The following SLC2A9 variants were observed in gnomAD, a reference collection of about 807,000 sequenced individuals.
The protein encoded by SLC2A9 is solute carrier family 2, facilitated glucose transporter member 9.
In SLC2A9, 39 loss-of-function variants were observed where a neutral mutation model predicts 50.6. That is an observed-to-expected ratio of 0.77 (90% CI 0.60 to 1.01). SLC2A9 has a LOEUF of 1.01. Among genes scored for constraint, SLC2A9 ranks in the 50% least tolerant of loss-of-function variants. The pLI is 0.00. For synonymous variants in SLC2A9, 324 were observed against 276.9 expected, an observed-to-expected ratio of 1.17 and a Z score of -1.69; for missense variants, 686 against 677.6, an observed-to-expected ratio of 1.01 and a Z score of -0.14.
intron 1 of SLC2A9, chr4:9,771,476 C>T: frequency 2.5e-6 from 1 of 398,862 alleles, no homozygotes; most frequent in Non-Finnish European, 4.4e-6. Flanking sequence ...TCAGCCAGTA[C>T]CCAACACAAC....
chr4:9,772,689 G>A (rs558765726), intron 1 of SLC2A9, among the ~76,000 whole-genome samples: 1 of 152,290 alleles, frequency 6.6e-6, no homozygotes, highest in East Asian at 1.9e-4. Context: ...AGACCCTGGG[G>A]CTGTGTGTTA....
intron 7 of SLC2A9, among the ~76,000 whole-genome samples, chr4:9,914,165 T>C (rs1742412415): frequency 6.6e-6 from 1 of 152,204 alleles, no homozygotes; most frequent in Non-Finnish European, 1.5e-5. Context: ...AAGGAATCTG[T>C]TTTCCTTCCA....
At chr4:9,826,199 G>A, downstream of SLC2A9, 1 of 604,426 alleles carries the variant, frequency 1.7e-6, no homozygotes, top group Non-Finnish European at 2.9e-6. Context: ...ATTCAGTTGT[G>A]AATAATGCTA....
In SLC2A9 at chr4:9,980,726, T is replaced by A; in HGVS notation, c.547A>T (p.Ser183Cys). 6.2e-7 allele frequency: 1 copy of A among 1,614,126 alleles called. No homozygotes were observed. The change falls in exon 5 of 12, where the codon AGT (serine) becomes TGT (cysteine). Residue 183 changes from serine (S) to cysteine (C), a missense_variant. Physicochemically the swap from Ser to Cys is moderately radical, Grantham distance 112. Transcript: ENST00000264784. ...IMGIDGGVAL[S>C]VLPMYLSEIS... ...TCACTAAGGTACATGGGGAGCACAC[T>A]GAGGGCGACGCCTGTAGAGAGAAAG...
At chr4:9,801,846 G>T (rs192305260) in intron 3 of SLC2A9, among the ~76,000 whole-genome samples, 1 of 152,356 alleles carries the variant, frequency 6.6e-6, no homozygotes, top group African/African-American at 2.4e-5. Flanking sequence ...CGGCCAAAGA[G>T]AATAGGTTTG....
intron 6 of SLC2A9, among the ~76,000 whole-genome samples, chr4:9,939,412 C>A (rs78153020): frequency 3.3e-5 from 5 of 152,214 alleles, no homozygotes; most frequent in Non-Finnish European, 4.4e-5. Context: ...AACACAGGGC[C>A]TCTTTTCCCC....
intron 10 of SLC2A9, among the ~76,000 whole-genome samples, chr4:9,851,159 T>C (rs375842167): frequency 7.0e-4 from 107 of 152,352 alleles, no homozygotes; most frequent in African/African-American, 2.4e-3. Flanking sequence ...GTGCTTTGGC[T>C]GGCACACCCA....
At chr4:9,837,146 C>T (rs1323879173) in intron 10 of SLC2A9, among the ~76,000 whole-genome samples, 1 of 152,202 alleles carries the variant, frequency 6.6e-6, no homozygotes, top group Non-Finnish European at 1.5e-5. Context: ...CTCCATTTGT[C>T]TGGCATTTCC....
intron 3 of SLC2A9, among the ~76,000 whole-genome samples, chr4:9,821,151 T>A (rs946287674): frequency 4.6e-5 from 7 of 152,244 alleles, no homozygotes; most frequent in Non-Finnish European, 1.0e-4. Flanking sequence ...ATGTTGAATT[T>A]CATCAAATGT....
At chr4:9,801,632 C>T (rs1306442197) in intron 3 of SLC2A9, among the ~76,000 whole-genome samples, 2 of 152,146 alleles carry the variant, frequency 1.3e-5, no homozygotes, top group African/African-American at 2.4e-5. Context: ...GAGCCAGTTT[C>T]CTTAGCTTCA....
chr4:9,997,486 G>C (rs1380660417), intron 2 of SLC2A9, among the ~76,000 whole-genome samples: 6 of 152,170 alleles, frequency 3.9e-5, no homozygotes, highest in Admixed American at 3.9e-4. Context: ...GGTCACTTGA[G>C]GCCAGGAGTT....
At chr4:9,993,609 C>G (rs1758085855) in intron 3 of SLC2A9, among the ~76,000 whole-genome samples, 1 of 152,012 alleles carries the variant, frequency 6.6e-6, no homozygotes, top group Non-Finnish European at 1.5e-5. Context: ...AGACTTGAAG[C>G]TGGGCCCGTA....
chr4:9,799,692 A>ACCCACCCC (rs59100769), intron 3 of SLC2A9, among the ~76,000 whole-genome samples: 5 of 69,812 alleles, frequency 7.2e-5, no homozygotes, highest in East Asian at 4.8e-4. Flanking sequence ...TTCCAATTGT[A>ACCCACCCC]CCCCCCCCCC....
intron 3 of SLC2A9, chr4:9,782,606 C>A: frequency 6.2e-7 from 1 of 1,614,002 alleles, no homozygotes. Flanking sequence ...CGGGCTGGAC[C>A]TGCCAAACAA....
intron 6 of SLC2A9, among the ~76,000 whole-genome samples, chr4:9,934,265 C>T (rs1324401360): frequency 2.0e-5 from 3 of 152,152 alleles, no homozygotes; most frequent in South Asian, 4.1e-4. Flanking sequence ...CCCACTGTAC[C>T]ACTCCACCTG....
chr4:9,782,351 C>T lies in SLC2A9; in HGVS notation n.386-2286G>A, dbSNP rs761938234. 5 of 1,613,922 alleles carry T rather than the reference C, an allele frequency of 3.1e-6. No individual in the cohort carries two copies. The African/African-American group carries it at 6.7e-5, about 22-fold the overall frequency. The stretch of plus-strand genomic sequence containing the variant: ...AGTCGCCGAGGTGGCCGGTTACTGG[C>T]CCTTTGGAGCGTTCTGCGACGTCTG... On this transcript the variant is annotated intron_variant and non_coding_transcript_variant, in intron 3 of 3. Transcript: ENST00000503803.
At chr4:9,841,177 C>A (rs1246751885) in intron 10 of SLC2A9, among the ~76,000 whole-genome samples, 1 of 152,186 alleles carries the variant, frequency 6.6e-6, no homozygotes, top group African/African-American at 2.4e-5. Flanking sequence ...CAGATCCACT[C>A]TTCATTTACT....
chr4:9,791,618 GT>G (rs1719928124), intron 3 of SLC2A9, among the ~76,000 whole-genome samples: 1 of 152,184 alleles, frequency 6.6e-6, no homozygotes, highest in African/African-American at 2.4e-5. Flanking sequence ...CAGCAGTCAC[GT>G]TGTGGGTGTT....
At chr4:9,827,362 G>A (rs1041644276) in intron 11 of SLC2A9, among the ~76,000 whole-genome samples, 6 of 152,186 alleles carry the variant, frequency 3.9e-5, no homozygotes, top group Non-Finnish European at 8.8e-5. Flanking sequence ...TTATAGGCAT[G>A]AGCCACCATT....
Sources: allele counts gnomAD v4.1 joint callset (sites outside exome capture counted in the v4.1 genomes callset), GRCh38; gene constraint gnomAD v4.1.1; transcripts MANE v1.5; gene names NCBI Gene and HGNC (gene_info 2026-07-23, HGNC 2026-07-21).